PYGO1: variants seen among roughly 807,000 people sequenced by gnomAD.
PYGO1 encodes the protein pygopus family PHD finger 1.
In PYGO1, 6 loss-of-function variants were observed where a neutral mutation model predicts 29.5. The observed-to-expected ratio is 0.20, with a 90% CI of 0.11 to 0.40. PYGO1 has a LOEUF of 0.40. Ranked by LOEUF, PYGO1 falls within the 10% of genes least tolerant of loss-of-function variation. The pLI is 1.00. For missense variants in PYGO1, 515 were observed against 514.9 expected (o/e 1.00, Z 0.00); for synonymous variants, 186 against 180.5 (o/e 1.03, Z -0.24).
rs141353660 is a variant in PYGO1 at position 55,572,915 on chromosome 15, G to A, written c.49+14920C>T. The stretch of plus-strand genomic sequence containing the variant: ...AAGCCAGGTGTGGTAGCTAATGTCT[G>A]TAATCCCAGCACATTGGGAGGCCAA... On this transcript the variant is annotated intron_variant, in intron 1 of 2. Transcript: ENST00000563719. 2.4e-3 allele frequency among the ~76,000 whole-genome samples: 363 copies of A among 151,668 alleles called. 1 individual carries two copies. The highest frequency in any genetic ancestry group is 4.4e-3 in the Non-Finnish European group (300 of 67,946).
chr15:55,563,948 T>G (rs1194318125), intron 1 of PYGO1, among the ~76,000 whole-genome samples: 1 of 152,126 alleles, frequency 6.6e-6, no homozygotes, highest in East Asian at 1.9e-4. Context: ...ACCCTCATAC[T>G]TTGCAGGTGG....
chr15:55,548,108 C>G (rs541804558), intron 2 of PYGO1, among the ~76,000 whole-genome samples: 1 of 152,076 alleles, frequency 6.6e-6, no homozygotes, highest in East Asian at 1.9e-4. Flanking sequence ...CAACCTCTAC[C>G]TTCCAGGTTC....
In PYGO1 at chr15:55,588,114, G is replaced by A; in HGVS notation, c.-231C>T. On this transcript the variant is annotated 5_prime_UTR_variant, in exon 1 of 3. Transcript: ENST00000563719. ...GGCGTGCGGGCACCGGCGGGGCTCA[G>A]CGGCGGTGGCCGGGAGCGCGGCCTG... is the stretch of plus-strand genomic sequence containing the variant. 1.1e-6 allele frequency: 1 copy of A among 930,686 alleles called. No individual in the cohort carries two copies. The highest frequency in any genetic ancestry group is 1.3e-6 in the Non-Finnish European group (1 of 782,072). 57.7% of individuals were successfully genotyped at this position (930,686 alleles called of 1,614,324 possible).
chr15:55,554,609 G>C (rs1289161902), intron 1 of PYGO1, among the ~76,000 whole-genome samples: 1 of 151,690 alleles, frequency 6.6e-6, no homozygotes, highest in Middle Eastern at 3.2e-3. Flanking sequence ...CCAATGCAAA[G>C]AAGCTAAGAA....
chr15:55,566,109 G>T (rs1472700478), intron 1 of PYGO1, among the ~76,000 whole-genome samples: 1 of 152,086 alleles, frequency 6.6e-6, no homozygotes, highest in African/African-American at 2.4e-5. Context: ...TTTAGATTTG[G>T]GGAGTACATG....
Position 55,543,146 on chromosome 15 carries a change from T to G in PYGO1, c.*2877A>C, listed in dbSNP as rs2058835404. 1.3e-5 allele frequency: 2 copies of G among 151,948 alleles called. No homozygotes were observed. The highest frequency in any genetic ancestry group is 3.4e-3 in the Middle Eastern group (1 of 292). 9.4% of individuals were successfully genotyped at this position (151,948 alleles called of 1,614,324 possible). ...AGGAAAGGGATTATACCAAAAAAGG[T>G]ACAATTCCACCTGTGTTTTTTTCCA... On this transcript the variant is annotated 3_prime_UTR_variant, in exon 3 of 3. Coordinates refer to ENST00000563719, the MANE Select transcript of PYGO1 (RefSeq NM_001367806.1).
chr15:55,558,397 A>AT (rs1432551424), intron 1 of PYGO1, among the ~76,000 whole-genome samples: 1 of 152,116 alleles, frequency 6.6e-6, no homozygotes, highest in East Asian at 1.9e-4. Flanking sequence ...GGAAGAATCA[A>AT]TATCGTGAAA....
intron 1 of PYGO1, among the ~76,000 whole-genome samples, chr15:55,576,145 C>CT (rs2059000550): frequency 6.6e-6 from 1 of 152,142 alleles, no homozygotes; most frequent in Non-Finnish European, 1.5e-5. Flanking sequence ...ATCAATAAAG[C>CT]TGTTAAAGCT....
chr15:55,556,778 T>C (rs756192736), intron 1 of PYGO1, among the ~76,000 whole-genome samples: 8 of 93,008 alleles, frequency 8.6e-5, no homozygotes, highest in East Asian at 3.2e-4. Flanking sequence ...AAGAATCAAA[T>C]AGACACAATC....
At chr15:55,554,468 C>CAAAAAAAAAAAAAAAA (rs56216226) in intron 1 of PYGO1, among the ~76,000 whole-genome samples, 43 of 122,880 alleles carry the variant, frequency 3.5e-4, no homozygotes, top group South Asian at 1.5e-3. Flanking sequence ...GACTCTGTCT[C>CAAAAAAAAAAAAAAAA]AAAAAAAAAA....
intron 1 of PYGO1, among the ~76,000 whole-genome samples, chr15:55,582,494 G>A (rs1247351373): frequency 2.0e-5 from 3 of 151,878 alleles, no homozygotes; most frequent in African/African-American, 4.8e-5. Flanking sequence ...GCTTTTCAGC[G>A]TCTTTTTCCC....
In PYGO1 at chr15:55,546,623, A is replaced by G. The variant is rs1362013535; in HGVS notation, c.660T>C (p.His220=). 1.2e-6 allele frequency: 2 copies of G among 1,613,958 alleles called. No individual in the cohort carries two copies. The highest frequency in any genetic ancestry group is 3.3e-5 in the Admixed American group (2 of 59,990). The change falls in exon 3 of 3, where the codon CAT becomes CAC. Residue 220 remains histidine, a synonymous_variant. Transcript: ENST00000563719. ...SNFTSPLESN[H]SFIPPPNTFG... ...AAGTGTTTGGGGGAGGAATAAAAGA[A>G]TGATTAGATTCTAACGGAGAAGTAA...
chr15:55,564,875 C>T (rs2058948427), intron 1 of PYGO1, among the ~76,000 whole-genome samples: 1 of 152,164 alleles, frequency 6.6e-6, no homozygotes, highest in Non-Finnish European at 1.5e-5. Context: ...GGAAATCTGC[C>T]TCCAATCTCA....
intron 2 of PYGO1, among the ~76,000 whole-genome samples, chr15:55,548,474 G>A (rs1409687528): frequency 6.6e-6 from 1 of 151,624 alleles, no homozygotes; most frequent in Non-Finnish European, 1.5e-5. Flanking sequence ...TTGGGAGGCC[G>A]AGGCGGGTGG....
chr15:55,570,691 C>G (rs2058976663), intron 1 of PYGO1, among the ~76,000 whole-genome samples: 1 of 152,008 alleles, frequency 6.6e-6, no homozygotes, highest in Non-Finnish European at 1.5e-5. Flanking sequence ...CCAGTTTCCT[C>G]TATAATGCTA....
At chr15:55,587,814 T>G (rs1258960861) in intron 1 of PYGO1, 21 bp downstream of exon 1, 2 of 1,484,542 alleles carry the variant, frequency 1.3e-6, no homozygotes, top group East Asian at 2.8e-5. Context: ...GTTCCCCCAA[T>G]CCGGCACCCT....
At position 55,551,165 on chromosome 15, in the gene PYGO1, G is replaced by A. The variant is rs145781656; in HGVS notation, c.50-2170C>T. Among the ~76,000 whole-genome samples, 420 of 152,314 alleles carry A rather than the reference G, an allele frequency of 2.8e-3. 1 individual carries two copies. The highest frequency in any genetic ancestry group is 4.2e-3 in the Admixed American group (65 of 15,304). ...ACAGGGCATGGACTAGTACCAGTCC[G>A]TGGCCCAGGGGTTGGGGATCCCTGG... On this transcript the variant is annotated intron_variant, in intron 1 of 2. Coordinates refer to ENST00000563719, the MANE Select transcript of PYGO1 (RefSeq NM_001367806.1).
At chr15:55,578,022 G>A (rs1407814678) in intron 1 of PYGO1, among the ~76,000 whole-genome samples, 4 of 152,016 alleles carry the variant, frequency 2.6e-5, no homozygotes, top group Middle Eastern at 3.2e-3. Flanking sequence ...TGATCTACCT[G>A]CTTCAACCTT....
At chr15:55,577,591 T>C (rs973690899) in intron 1 of PYGO1, among the ~76,000 whole-genome samples, 67 of 2,002 alleles carry the variant, frequency 0.033, 1 homozygote, top group Middle Eastern at 0.5. Flanking sequence ...AAACTAGGTT[T>C]TTGTTTTTAA....
Sources: gnomAD v4.1 joint callset for allele counts (sites outside exome capture counted in the v4.1 genomes callset) on GRCh38, gnomAD v4.1.1 for gene constraint, MANE v1.5 for transcripts, NCBI Gene and HGNC (gene_info 2026-07-23, HGNC 2026-07-21) for gene names.